Variants in GNA12 observed in about 807,000 individuals in gnomAD.
The protein encoded by GNA12 is G protein subunit alpha 12.
Under a neutral mutation model 26.0 loss-of-function variants are expected in GNA12, and 9 were observed. That is an observed-to-expected ratio of 0.35 (90% CI 0.21 to 0.60). GNA12 has a LOEUF of 0.60. Ranked by LOEUF, GNA12 falls within the 20% of genes least tolerant of loss-of-function variation. GNA12 has a pLI of 0.78. For missense variants in GNA12, 405 were observed against 525.8 expected, an observed-to-expected ratio of 0.77 and a Z score of 2.25; for synonymous variants, 264 against 219.6, an observed-to-expected ratio of 1.20 and a Z score of -1.79.
intron 2 of GNA12, among the ~76,000 whole-genome samples, chr7:2,758,869 G>A (rs1791423489): frequency 6.6e-6 from 1 of 152,200 alleles, no homozygotes; most frequent in Admixed American, 6.5e-5. Context: ...TCTCTGCTGG[G>A]CGCGGTGGCT....
chr7:2,784,826 A>C (rs999687903), intron 2 of GNA12, among the ~76,000 whole-genome samples: 1 of 152,118 alleles, frequency 6.6e-6, no homozygotes, highest in Admixed American at 6.5e-5. Context: ...TTGACTCTTA[A>C]TTTATGTTGA....
chr7:2,813,398 G>T (rs914978013), intron 1 of GNA12, among the ~76,000 whole-genome samples: 2 of 152,182 alleles, frequency 1.3e-5, no homozygotes, highest in Non-Finnish European at 2.9e-5. Flanking sequence ...GCATCCAGGG[G>T]AGAGTCTCCT....
chr7:2,748,939 T>C (rs1044153690), intron 2 of GNA12, among the ~76,000 whole-genome samples: 5 of 152,094 alleles, frequency 3.3e-5, no homozygotes, highest in African/African-American at 1.2e-4. Flanking sequence ...ATCAGAGAAA[T>C]GCAAATCAAA....
At chr7:2,768,494 A>C (rs903646027) in intron 2 of GNA12, among the ~76,000 whole-genome samples, 2 of 152,094 alleles carry the variant, frequency 1.3e-5, no homozygotes, top group Non-Finnish European at 2.9e-5. Flanking sequence ...ATCACATCCT[A>C]GAGTCCTGAG....
intron 2 of GNA12, among the ~76,000 whole-genome samples, chr7:2,784,037 G>T (rs919471175): frequency 6.6e-6 from 1 of 152,054 alleles, no homozygotes; most frequent in East Asian, 1.9e-4. Flanking sequence ...TTTTCAGCAG[G>T]TCTTTAGATA....
chr7:2,797,984 G>C (rs1243842704), intron 1 of GNA12, among the ~76,000 whole-genome samples: 13 of 152,244 alleles, frequency 8.5e-5, no homozygotes, highest in East Asian at 7.7e-4. Flanking sequence ...TAGGAACAGA[G>C]AAATGCTTCA....
At chr7:2,800,077 C>T (rs1327342040) in intron 1 of GNA12, among the ~76,000 whole-genome samples, 1 of 152,220 alleles carries the variant, frequency 6.6e-6, no homozygotes, top group Non-Finnish European at 1.5e-5. Context: ...GTAATGTTCA[C>T]AGCAGCTCTG....
At chr7:2,752,275 T>C (rs1403636934) in intron 2 of GNA12, among the ~76,000 whole-genome samples, 2 of 152,112 alleles carry the variant, frequency 1.3e-5, no homozygotes, top group African/African-American at 4.8e-5. Context: ...ACCAGACTAA[T>C]AGAAAGAAAC....
At chr7:2,840,499 A>G (rs1267561527) in intron 1 of GNA12, among the ~76,000 whole-genome samples, 1 of 152,210 alleles carries the variant, frequency 6.6e-6, no homozygotes, top group East Asian at 1.9e-4. Context: ...TATAGCCACA[A>G]GTATTATTCT....
rs545924345 is a variant in GNA12 at position 2,731,348 on chromosome 7, C to T, written c.979G>A (p.Val327Ile). The T allele has an allele frequency of 6.8e-6, 11 of 1,613,882 alleles. No individual in the cohort carries two copies. In the Middle Eastern group the frequency reaches 4.9e-4, roughly 73 times the overall value. The change falls in exon 4 of 4, where the codon GTC (valine) becomes ATC (isoleucine). Residue 327 changes from valine (V) to isoleucine (I), a missense_variant. Transcript: ENST00000275364. The surrounding 1 kb of genome is among the most constrained non-coding windows in gnomAD (Gnocchi z 6.0). ...AAGCACTGGACCAGGTAGCGCTGGA[C>T]GTCCTCCAGCCTGTGCGGGTCGCCC... ...FRGDPHRLEDVQRYLVQCFDR... is the reference protein window; with the variant it reads ...FRGDPHRLEDIQRYLVQCFDR...
At chr7:2,814,275 G>T (rs774731902) in intron 1 of GNA12, 1 of 1,026,016 alleles carries the variant, frequency 9.7e-7, no homozygotes, top group Non-Finnish European at 1.6e-6. Flanking sequence ...AGATCAGGGA[G>T]ATCTGTGGCC....
At chr7:2,820,216 C>G (rs76772571) in intron 1 of GNA12, among the ~76,000 whole-genome samples, 2,208 of 152,180 alleles carry the variant, frequency 0.015, 58 homozygotes, top group African/African-American at 0.05. Context: ...GGTGGCCGCC[C>G]GGGGCTGGGG....
At chr7:2,835,481 T>C (rs1778811340) in intron 1 of GNA12, 2 of 367,558 alleles carry the variant, frequency 5.4e-6, no homozygotes, top group East Asian at 4.6e-5. Flanking sequence ...GTCCCAGCTT[T>C]TAGGGATCAT....
At chr7:2,766,990 G>A (rs1018440661) in intron 2 of GNA12, among the ~76,000 whole-genome samples, 3 of 152,186 alleles carry the variant, frequency 2.0e-5, no homozygotes, top group African/African-American at 7.2e-5. Flanking sequence ...GACCATCAGG[G>A]ATACTGAGAT....
chr7:2,843,795 C>G, intron 1 of GNA12, 58 bp downstream of exon 1: 1 of 939,530 alleles, frequency 1.1e-6, no homozygotes, highest in Non-Finnish European at 1.5e-6. Context: ...GGGCCCGGGG[C>G]GGGGGTTAGC....
chr7:2,843,285 C>A (rs1779056293), intron 1 of GNA12, among the ~76,000 whole-genome samples: 1 of 152,080 alleles, frequency 6.6e-6, no homozygotes. Flanking sequence ...AGTGCCAAGC[C>A]CCCACTCCCC....
intron 2 of GNA12, among the ~76,000 whole-genome samples, chr7:2,767,526 T>C (rs368123247): frequency 6.6e-6 from 1 of 152,226 alleles, no homozygotes; most frequent in East Asian, 1.9e-4. Flanking sequence ...ATTTCCAGTG[T>C]TTTGCTGCCA....
At position 2,780,046 on chromosome 7, in the gene GNA12, GTGTACATA is replaced by G. The variant is rs1418530925; in HGVS notation, c.525+14874_525+14881del. ...ACGTACTAGTTTTTTACACATTTCT[GTGTACATA>G]TATATATATATATATATATATATAT... On this transcript the variant is annotated intron_variant, in intron 2 of 3. Transcript: ENST00000275364. Among the ~76,000 whole-genome samples the G allele has an allele frequency of 2.2e-3, 188 of 85,834 alleles. 12 individuals carry two copies. Among genetic ancestry groups the G allele is most frequent in the Middle Eastern group, 0.017 (3 of 174 alleles). The allele number at this position is 85,834 out of a possible 152,430, so 56.3% of individuals were successfully genotyped here.
At chr7:2,815,689 A>G (rs1165240283) in intron 1 of GNA12, among the ~76,000 whole-genome samples, 1 of 152,158 alleles carries the variant, frequency 6.6e-6, no homozygotes, top group Non-Finnish European at 1.5e-5. Context: ...CTCCTGACCC[A>G]GCGTGGTGCT....
Sources: allele counts gnomAD v4.1 joint callset (sites outside exome capture counted in the v4.1 genomes callset), GRCh38; gene constraint gnomAD v4.1.1; non-coding constraint Gnocchi (gnomAD v3.1); transcripts MANE v1.5; gene names NCBI Gene and HGNC (gene_info 2026-07-23, HGNC 2026-07-21).